Variants in NCOA3 observed in about 807,000 individuals in gnomAD.
NCOA3 encodes the protein CBP-interacting protein.
A neutral mutation model predicts 158.8 loss-of-function variants in NCOA3; 51 were observed. The observed-to-expected ratio is 0.32, with a 90% CI of 0.26 to 0.41. The LOEUF (loss-of-function observed/expected upper bound fraction) is 0.41, where lower values mean the gene tolerates loss of function less well. NCOA3 is among the 10% of genes least tolerant of loss of function. The pLI is 1.00. For synonymous variants in NCOA3, 537 were observed against 592.4 expected (o/e 0.91, Z 1.36); for missense variants, 1,510 against 1,746.6 (o/e 0.86, Z 2.41).
chr20:47,589,078 A>T (rs1394747196), intron 2 of NCOA3, among the ~76,000 whole-genome samples: 2 of 151,870 alleles, frequency 1.3e-5, no homozygotes, highest in Admixed American at 1.3e-4. Flanking sequence ...TTTTTAGTAG[A>T]GACAGGTTTT....
chr20:47,650,737 C>T (rs1041251623), intron 19 of NCOA3, among the ~76,000 whole-genome samples: 6 of 151,950 alleles, frequency 3.9e-5, no homozygotes, highest in African/African-American at 1.5e-4. Flanking sequence ...GTGGTGCACG[C>T]CTGTAATCCC....
In NCOA3 at chr20:47,653,082, C is replaced by A. The variant is rs768587303; in HGVS notation, c.4263+10C>A. On this transcript the variant is annotated intron_variant, in intron 22 of 22. Transcript: ENST00000371998. The stretch of plus-strand genomic sequence containing the variant: ...TATGGGTCCTGATCAGGTATGGGAT[C>A]GATTCCTTACCTTTTTCAAAAAGTT... 1.2e-6 allele frequency: 2 copies of A among 1,613,386 alleles called. No individual in the cohort carries two copies. Among genetic ancestry groups the A allele is most frequent in the African/African-American group, 1.3e-5 (1 of 74,856 alleles).
intron 21 of NCOA3, 73 bp from the exon 22 acceptor site, chr20:47,652,858 G>A: frequency 1.3e-6 from 2 of 1,515,150 alleles, no homozygotes; most frequent in Non-Finnish European, 1.8e-6. Context: ...CACAATTGTA[G>A]TAATTTCTGT....
chr20:47,589,715 C>A lies in NCOA3; in HGVS notation c.-20+6454C>A, dbSNP rs114528680. 1.5e-3 allele frequency among the ~76,000 whole-genome samples: 223 copies of A among 152,080 alleles called. 2 individuals are homozygous for A. Among genetic ancestry groups the A allele is most frequent in the African/African-American group, 5.1e-3 (210 of 41,500 alleles). ...AGTCTCTTTTATTTGTTCTTTTATC[C>A]TGAAACTAGGAAACAAATACAATAC... On this transcript the variant is annotated intron_variant, in intron 2 of 22. Coordinates refer to ENST00000371998, the MANE Select transcript of NCOA3 (RefSeq NM_181659.3).
chr20:47,650,483 T>G (rs1281409915), intron 19 of NCOA3, among the ~76,000 whole-genome samples: 1 of 151,698 alleles, frequency 6.6e-6, no homozygotes, highest in Non-Finnish European at 1.5e-5. Context: ...ACTCCTGACC[T>G]CAAGTGATCC....
At chr20:47,552,909 C>G (rs892822908) in intron 1 of NCOA3, among the ~76,000 whole-genome samples, 4 of 149,778 alleles carry the variant, frequency 2.7e-5, no homozygotes, top group African/African-American at 9.8e-5. Flanking sequence ...CAAAAACATG[C>G]TTTTCAAAAT....
chr20:47,564,174 G>A (rs2085155247), intron 1 of NCOA3, among the ~76,000 whole-genome samples: 1 of 151,690 alleles, frequency 6.6e-6, no homozygotes, highest in Admixed American at 6.6e-5. Context: ...AAAAATTTAT[G>A]CACCTTTCTC....
chr20:47,620,281 TA>T (rs200963979), intron 2 of NCOA3, among the ~76,000 whole-genome samples: 1 of 152,130 alleles, frequency 6.6e-6, no homozygotes, highest in African/African-American at 2.4e-5. Flanking sequence ...GGCTTATTTT[TA>T]AAAAAATTTT....
At chr20:47,551,432 A>G (rs918608516) in intron 1 of NCOA3, among the ~76,000 whole-genome samples, 7 of 152,180 alleles carry the variant, frequency 4.6e-5, no homozygotes, top group African/African-American at 1.7e-4. Context: ...TAGACTTTCT[A>G]CAACAACCAA....
chr20:47,598,992 C>T (rs750893807), intron 2 of NCOA3, among the ~76,000 whole-genome samples: 9 of 152,118 alleles, frequency 5.9e-5, no homozygotes, highest in Admixed American at 3.3e-4. Flanking sequence ...CACTTGCCTG[C>T]GCTATTCAAT....
At chr20:47,545,022 A>G (rs2084804934) in intron 1 of NCOA3, among the ~76,000 whole-genome samples, 1 of 152,030 alleles carries the variant, frequency 6.6e-6, no homozygotes, top group Non-Finnish European at 1.5e-5. Context: ...TGGCTTGGTG[A>G]TGATAAAATT....
At chr20:47,536,452 G>T (rs1602364237) in intron 1 of NCOA3, among the ~76,000 whole-genome samples, 1 of 152,160 alleles carries the variant, frequency 6.6e-6, no homozygotes, top group Non-Finnish European at 1.5e-5. Flanking sequence ...AGAAAGTTTT[G>T]CAAGAAAAGG....
intron 1 of NCOA3, among the ~76,000 whole-genome samples, chr20:47,525,658 G>C (rs1415208814): frequency 2.9e-5 from 4 of 137,982 alleles, no homozygotes; most frequent in African/African-American, 8.5e-5. Flanking sequence ...GGCCGGACGG[G>C]GGGGCTGACC....
At chr20:47,578,513 A>G (rs977830243) in intron 1 of NCOA3, among the ~76,000 whole-genome samples, 5 of 152,202 alleles carry the variant, frequency 3.3e-5, no homozygotes, top group Non-Finnish European at 2.9e-5. Flanking sequence ...AAATGTTCAT[A>G]TGATTTTCAA....
At chr20:47,621,102 T>C (rs1469153667) in intron 2 of NCOA3, among the ~76,000 whole-genome samples, 2 of 152,234 alleles carry the variant, frequency 1.3e-5, no homozygotes, top group Non-Finnish European at 2.9e-5. Flanking sequence ...TCTCAGCTTT[T>C]TAGCCTTTCC....
intron 1 of NCOA3, among the ~76,000 whole-genome samples, chr20:47,533,104 C>CAAAAAA (rs11344209): frequency 1.0e-4 from 4 of 39,718 alleles, no homozygotes; most frequent in Admixed American, 4.1e-4. Context: ...GACTCTGTCT[C>CAAAAAA]AAAAAAAAAA....
At position 47,654,856 on chromosome 20, in the gene NCOA3, GTGTGTGTA is replaced by G. The variant is rs1160364507; in HGVS notation, c.*1447_*1454del. On this transcript the variant is annotated 3_prime_UTR_variant, in exon 23 of 23. Coordinates refer to ENST00000371998, the MANE Select transcript of NCOA3 (RefSeq NM_181659.3). ...TAATAGCAATTCATGGGCTGTGTGT[GTGTGTGTA>G]TGTGTGTGTGTGTGTGTGTATGTTT... 373 of 145,684 alleles carry G rather than the reference GTGTGTGTA, an allele frequency of 2.6e-3. 1 individual carries two copies. The highest frequency in any genetic ancestry group is 9.5e-3 in the African/African-American group (355 of 37,396). The allele number at this position is 145,684 out of a possible 1,614,324, so 9.0% of individuals were successfully genotyped here.
At chr20:47,573,318 G>A (rs1021697238) in intron 1 of NCOA3, among the ~76,000 whole-genome samples, 113 of 152,214 alleles carry the variant, frequency 7.4e-4, no homozygotes, top group African/African-American at 2.5e-3. Flanking sequence ...GCTTGAACCC[G>A]GGAGGCGGAG....
At chr20:47,557,221 A>G (rs770297747) in intron 1 of NCOA3, among the ~76,000 whole-genome samples, 1 of 149,120 alleles carries the variant, frequency 6.7e-6, no homozygotes, top group Non-Finnish European at 1.5e-5. Context: ...CTTTTCAGAA[A>G]GCTTTAATAG....
Sources: allele counts gnomAD v4.1 joint callset (sites outside exome capture counted in the v4.1 genomes callset), GRCh38; gene constraint gnomAD v4.1.1; transcripts MANE v1.5; gene names NCBI Gene and HGNC (gene_info 2026-07-23, HGNC 2026-07-21).